Variants in MDGA2 observed in about 807,000 individuals in gnomAD.
MDGA2 encodes MAM domain containing glycosylphosphatidylinositol anchor 2.
In MDGA2, 40 loss-of-function variants were observed where a neutral mutation model predicts 117.8. That is an observed-to-expected ratio of 0.34 (90% CI 0.26 to 0.44). The LOEUF (loss-of-function observed/expected upper bound fraction) is 0.44, where lower values mean the gene tolerates loss of function less well. MDGA2 is among the 20% of genes least tolerant of loss of function. The pLI, the probability that MDGA2 is intolerant of heterozygous loss-of-function variation, is 1.00. For synonymous variants in MDGA2, 452 were observed against 439.0 expected (o/e 1.03, Z -0.37); for missense variants, 1,123 against 1,250.6 (o/e 0.90, Z 1.54).
chr14:47,337,243 T>C (rs1890486666), intron 1 of MDGA2, among the ~76,000 whole-genome samples: 1 of 152,028 alleles, frequency 6.6e-6, no homozygotes, highest in African/African-American at 2.4e-5. Flanking sequence ...GTAAAATCTG[T>C]AAGTATGTTA....
At chr14:46,980,529 A>T (rs1044942651) in intron 8 of MDGA2, among the ~76,000 whole-genome samples, 7 of 152,208 alleles carry the variant, frequency 4.6e-5, no homozygotes, top group Non-Finnish European at 1.0e-4. Flanking sequence ...GATTGACTCC[A>T]ATTTTGAAAG....
At chr14:46,858,778 T>C (rs898410612) in intron 14 of MDGA2, among the ~76,000 whole-genome samples, 5 of 152,324 alleles carry the variant, frequency 3.3e-5, no homozygotes, top group South Asian at 2.1e-4. Flanking sequence ...TCTAACTTTC[T>C]TAAGTTTGGT....
rs1257499699 is a variant in MDGA2 at position 47,178,402 on chromosome 14, CTATGCCTGG to C, written c.596-34137_596-34129del. On this transcript the variant is annotated intron_variant, in intron 3 of 16. Transcript: ENST00000399232. The stretch of plus-strand genomic sequence containing the variant: ...TCATAATAGATATTTAAAGCTGGGA[CTATGCCTGG>C]TATGCCTGGAAACCTTTGACTATAT... 8.5e-5 allele frequency among the ~76,000 whole-genome samples: 13 copies of C among 152,246 alleles called. No individual in the cohort carries two copies. In the South Asian group the frequency reaches 2.3e-3, roughly 27 times the overall value.
chr14:47,633,070 T>C (rs1897265939), intron 1 of MDGA2, among the ~76,000 whole-genome samples: 3 of 152,230 alleles, frequency 2.0e-5, no homozygotes, highest in South Asian at 4.1e-4. Flanking sequence ...TGTCAATAAA[T>C]ATTATTTTCA....
At chr14:47,638,959 G>C (rs2138240690) in intron 1 of MDGA2, among the ~76,000 whole-genome samples, 1 of 152,192 alleles carries the variant, frequency 6.6e-6, no homozygotes, top group South Asian at 2.1e-4. Flanking sequence ...GAAGATACCA[G>C]ACATTCACAT....
At chr14:46,961,270 G>A (rs1171310462) in intron 8 of MDGA2, among the ~76,000 whole-genome samples, 1 of 151,862 alleles carries the variant, frequency 6.6e-6, no homozygotes, top group African/African-American at 2.4e-5. Flanking sequence ...AGGTAATTTT[G>A]GAAAATTCTC....
intron 1 of MDGA2, among the ~76,000 whole-genome samples, chr14:47,580,423 T>C (rs1057441382): frequency 2.0e-5 from 3 of 152,036 alleles, no homozygotes; most frequent in African/African-American, 7.2e-5. Context: ...CTCTTAATCA[T>C]TTTGCATTTG....
At chr14:47,084,177 AT>A (rs2138907285) in intron 6 of MDGA2, among the ~76,000 whole-genome samples, 1 of 152,286 alleles carries the variant, frequency 6.6e-6, no homozygotes, top group Admixed American at 6.5e-5. Context: ...AAACCTGAAC[AT>A]ATTTTTTAAA....
chr14:47,244,426 G>A (rs1467827760), intron 2 of MDGA2, among the ~76,000 whole-genome samples: 1 of 151,552 alleles, frequency 6.6e-6, no homozygotes, highest in East Asian at 1.9e-4. Context: ...GAACTTCTTA[G>A]CTATTGGAAG....
At chr14:46,955,138 C>G (rs1001065990) in intron 9 of MDGA2, among the ~76,000 whole-genome samples, 1 of 151,930 alleles carries the variant, frequency 6.6e-6, no homozygotes, top group South Asian at 2.1e-4. Context: ...AATGCATGCT[C>G]CAGTTAAATC....
chr14:46,933,768 A>G (rs1884667776), intron 9 of MDGA2, among the ~76,000 whole-genome samples: 1 of 138,322 alleles, frequency 7.2e-6, no homozygotes. Context: ...GTCCTACAGA[A>G]CTATACAAAG....
At chr14:46,988,685 T>A (rs1886959575) in intron 8 of MDGA2, among the ~76,000 whole-genome samples, 1 of 152,004 alleles carries the variant, frequency 6.6e-6, no homozygotes, top group Admixed American at 6.6e-5. Flanking sequence ...GAAAGAGGGA[T>A]GGATGGAGTA....
At chr14:47,315,295 A>G (rs894935883) in intron 1 of MDGA2, among the ~76,000 whole-genome samples, 4 of 152,134 alleles carry the variant, frequency 2.6e-5, no homozygotes, top group Admixed American at 1.3e-4. Context: ...TTATTGACTT[A>G]GAATCTTCTG....
intron 1 of MDGA2, among the ~76,000 whole-genome samples, chr14:47,624,223 C>G (rs1031208682): frequency 1.3e-5 from 2 of 152,198 alleles, no homozygotes; most frequent in Non-Finnish European, 2.9e-5. Context: ...TTTGAAAGGC[C>G]GAGGCGGGCG....
chr14:46,906,167 T>G (rs1883484353), intron 10 of MDGA2, among the ~76,000 whole-genome samples: 1 of 151,912 alleles, frequency 6.6e-6, no homozygotes, highest in Non-Finnish European at 1.5e-5. Flanking sequence ...GAGATGTACT[T>G]CAGAAAGGAA....
In MDGA2 at chr14:47,218,023, T is replaced by A. The variant is rs779722031; in HGVS notation, c.593A>T (p.Tyr198Phe). 6.5e-7 allele frequency: 1 copy of A among 1,545,850 alleles called. No homozygotes were observed. The highest frequency in any genetic ancestry group is 1.2e-5 in the South Asian group (1 of 83,262). Residue 198 changes from tyrosine to phenylalanine, a missense_variant and splice_region_variant, in exon 3 of 17, where the codon TAC becomes TTC. By Grantham distance (22) the Tyr-to-Phe change is conservative. Transcript: ENST00000399232. The part of the protein sequence containing the change: ...PAIKSIRVDV[Y>F]YLDDPVVTVH... ...AGTTTTCTGGAAAATTTACTTACAG[T>A]ATACATCCACTCTGATTGACTTTAT...
At chr14:47,099,888 T>A (rs1156595261) in intron 5 of MDGA2, among the ~76,000 whole-genome samples, 1 of 152,072 alleles carries the variant, frequency 6.6e-6, no homozygotes, top group East Asian at 1.9e-4. Context: ...AGTGTTTTCT[T>A]TTATCATTTA....
At chr14:47,427,158 A>C (rs1892707933) in intron 1 of MDGA2, among the ~76,000 whole-genome samples, 1 of 152,178 alleles carries the variant, frequency 6.6e-6, no homozygotes, top group Admixed American at 6.5e-5. Context: ...TCAATAAAAT[A>C]AAATGGCATA....
intron 1 of MDGA2, among the ~76,000 whole-genome samples, chr14:47,540,520 A>ATGTCTGTGTGTGTGTG (rs1555330648): frequency 1.9e-5 from 2 of 102,930 alleles, no homozygotes; most frequent in Non-Finnish European, 4.0e-5. Flanking sequence ...GTATATGTAT[A>ATGTCTGTGTGTGTGTG]TGTGTGTGTG....
Sources: gnomAD v4.1 joint callset for allele counts (sites outside exome capture counted in the v4.1 genomes callset) on GRCh38, gnomAD v4.1.1 for gene constraint, MANE v1.5 for transcripts, NCBI Gene and HGNC (gene_info 2026-07-23, HGNC 2026-07-21) for gene names.